The following ADARB2 variants were observed in gnomAD, a reference collection of about 807,000 sequenced individuals.
ADARB2 encodes the protein inactive double-stranded RNA-specific editase B2.
ADARB2 carries 25 observed loss-of-function variants against 62.2 expected under a neutral mutation model. That is an observed-to-expected ratio of 0.40 (90% CI 0.29 to 0.56). ADARB2 has a LOEUF of 0.56. Among genes scored for constraint, ADARB2 ranks in the 20% least tolerant of loss-of-function variants. ADARB2 has a pLI of 0.43. For synonymous variants in ADARB2, 572 were observed against 500.8 expected (o/e 1.14, Z -1.90); for missense variants, 1,071 against 1,077.4 (o/e 0.99, Z 0.08).
At chr10:1,656,095 C>A (rs1412595640) in intron 1 of ADARB2, among the ~76,000 whole-genome samples, 1 of 152,178 alleles carries the variant, frequency 6.6e-6, no homozygotes, top group Non-Finnish European at 1.5e-5. Context: ...AAATTGTAAG[C>A]ACTTTTATTA....
chr10:1,308,878 C>T (rs1163759307), intron 3 of ADARB2, among the ~76,000 whole-genome samples: 1 of 152,138 alleles, frequency 6.6e-6, no homozygotes, highest in African/African-American at 2.4e-5. Context: ...TTTATTTTCT[C>T]AGCTGGAAAA....
intron 1 of ADARB2, among the ~76,000 whole-genome samples, chr10:1,432,550 C>A (rs1460651768): frequency 6.7e-6 from 1 of 149,402 alleles, no homozygotes; most frequent in East Asian, 1.9e-4. Flanking sequence ...ATCTAGGATG[C>A]ACGTTCACTT....
intron 3 of ADARB2, among the ~76,000 whole-genome samples, chr10:1,319,281 A>T (rs945496951): frequency 6.6e-6 from 1 of 152,216 alleles, no homozygotes; most frequent in Non-Finnish European, 1.5e-5. Context: ...CCTGTGGATC[A>T]TACCTCAAGA....
intron 3 of ADARB2, among the ~76,000 whole-genome samples, chr10:1,272,157 G>T (rs1303474431): frequency 6.6e-6 from 1 of 152,170 alleles, no homozygotes; most frequent in Non-Finnish European, 1.5e-5. Context: ...CCTCTGAGCA[G>T]CCAAATCAAT....
intron 1 of ADARB2, among the ~76,000 whole-genome samples, chr10:1,515,393 C>T (rs1266748583): frequency 6.6e-6 from 1 of 152,242 alleles, no homozygotes. Context: ...GGGAAACCCT[C>T]TGCCTGGCTG....
intron 1 of ADARB2, among the ~76,000 whole-genome samples, chr10:1,713,806 A>G (rs567642988): frequency 1.7e-4 from 26 of 152,316 alleles, no homozygotes; most frequent in African/African-American, 5.5e-4. Context: ...AATGTATTGC[A>G]TGTCCTCACT....
intron 1 of ADARB2, among the ~76,000 whole-genome samples, chr10:1,459,525 G>A (rs1217090883): frequency 6.4e-4 from 1 of 1,568 alleles, no homozygotes. Flanking sequence ...CATTTTGGGA[G>A]GCCAAGGGGG....
intron 4 of ADARB2, among the ~76,000 whole-genome samples, chr10:1,254,031 G>A (rs1050069871): frequency 1.3e-5 from 2 of 151,928 alleles, no homozygotes; most frequent in Admixed American, 6.6e-5. Flanking sequence ...AGGATGCAGA[G>A]GGCTCGGTGG....
chr10:1,222,695 T>C (rs1368085517), intron 6 of ADARB2, among the ~76,000 whole-genome samples: 2 of 149,554 alleles, frequency 1.3e-5, no homozygotes, highest in African/African-American at 2.6e-5. Context: ...TTGCTTGTTT[T>C]TGTCAGGTTT....
At chr10:1,517,014 C>T (rs1832016761) in intron 1 of ADARB2, among the ~76,000 whole-genome samples, 1 of 152,174 alleles carries the variant, frequency 6.6e-6, no homozygotes, top group Non-Finnish European at 1.5e-5. Context: ...TTCATCCGAG[C>T]ACTTGCTGTG....
intron 4 of ADARB2, among the ~76,000 whole-genome samples, chr10:1,254,086 GCGGTCTC>G (rs1564236778): frequency 2.0e-4 from 30 of 151,840 alleles, no homozygotes; most frequent in African/African-American, 6.3e-4. Flanking sequence ...TTAGGATGCC[GCGGTCTC>G]TGGTTAGGAT....
chr10:1,396,017 C>A (rs776212490), intron 1 of ADARB2, among the ~76,000 whole-genome samples: 6 of 152,222 alleles, frequency 3.9e-5, no homozygotes, highest in Non-Finnish European at 7.3e-5. Context: ...CATGTTTCTT[C>A]AGCACTGGTC....
At chr10:1,522,250 C>T (rs1044998546) in intron 1 of ADARB2, among the ~76,000 whole-genome samples, 1 of 152,158 alleles carries the variant, frequency 6.6e-6, no homozygotes. Flanking sequence ...CTGCTAGTAA[C>T]AGAGGTTGTC....
chr10:1,436,233 C>T (rs1419294913), intron 1 of ADARB2, among the ~76,000 whole-genome samples: 1 of 152,184 alleles, frequency 6.6e-6, no homozygotes, highest in East Asian at 1.9e-4. Context: ...TTGGATTGAT[C>T]TGTTAATTTT....
At chr10:1,718,319 C>T (rs1436829821) in intron 1 of ADARB2, among the ~76,000 whole-genome samples, 1 of 152,184 alleles carries the variant, frequency 6.6e-6, no homozygotes. Context: ...AGGAATCATC[C>T]AGAACGTGGT....
chr10:1,357,464 G>T (rs1450397586), intron 3 of ADARB2, among the ~76,000 whole-genome samples: 1 of 146,398 alleles, frequency 6.8e-6, no homozygotes, highest in Non-Finnish European at 1.5e-5. Context: ...CTTTTCAGTT[G>T]CAAGGAGGGA....
chr10:1,451,726 A>ATATGAGGAGGAAGTATACCCG (rs1427937216), intron 1 of ADARB2, among the ~76,000 whole-genome samples: 3 of 146,702 alleles, frequency 2.0e-5, no homozygotes, highest in East Asian at 2.0e-4. Context: ...GGACACACCC[A>ATATGAGGAGGAAGTATACCCG]TATGAGGAGG....
At chr10:1,680,635 G>A (rs61834218) in intron 1 of ADARB2, among the ~76,000 whole-genome samples, 4,345 of 152,296 alleles carry the variant, frequency 0.029, 94 homozygotes, top group Middle Eastern at 0.071. Context: ...AGGAGCGAGT[G>A]AAGATATTTA....
intron 1 of ADARB2, among the ~76,000 whole-genome samples, chr10:1,461,191 T>G (rs1831170457): frequency 6.6e-6 from 1 of 152,194 alleles, no homozygotes; most frequent in Non-Finnish European, 1.5e-5. Context: ...AGAAGTGCCA[T>G]ATCAATGACA....
Sources: gnomAD v4.1 joint callset for allele counts (sites outside exome capture counted in the v4.1 genomes callset) on GRCh38, gnomAD v4.1.1 for gene constraint, MANE v1.5 for transcripts, NCBI Gene and HGNC (gene_info 2026-07-23, HGNC 2026-07-21) for gene names.